Variants in ELN observed in about 807,000 individuals in gnomAD.
The protein encoded by ELN is elastin.
ELN carries 65 observed loss-of-function variants against 105.8 expected under a neutral mutation model. The observed-to-expected ratio is 0.61, with a 90% CI of 0.50 to 0.75. The LOEUF is 0.75. ELN is among the 30% of genes least tolerant of loss of function. ELN has a pLI of 0.00. For synonymous variants in ELN, 368 were observed against 389.2 expected, an observed-to-expected ratio of 0.95 and a Z score of 0.64; for missense variants, 882 against 969.4, an observed-to-expected ratio of 0.91 and a Z score of 1.20.
At chr7:74,056,836 C>A in intron 21 of ELN, 123 bp downstream of exon 21, 3 of 1,260,478 alleles carry the variant, frequency 2.4e-6, no homozygotes, top group Non-Finnish European at 3.4e-6. Flanking sequence ...GGTCACGAGG[C>A]CCCTGCCCCA....
At chr7:74,041,368 C>A in intron 5 of ELN, 117 bp downstream of exon 5, 1 of 1,338,912 alleles carries the variant, frequency 7.5e-7, no homozygotes, top group South Asian at 1.2e-5. Context: ...CCGTCCTGGG[C>A]ACTGACGGGG....
At chr7:74,048,647 C>T in intron 15 of ELN, 91 bp downstream of exon 15, 2 of 1,484,440 alleles carry the variant, frequency 1.3e-6, no homozygotes, top group Non-Finnish European at 9.3e-7. Flanking sequence ...CAAAGTGGCC[C>T]CTACATACCC....
At chr7:74,037,997 T>C (rs1790383862) in intron 4 of ELN, 3 of 513,676 alleles carry the variant, frequency 5.8e-6, no homozygotes, top group African/African-American at 3.9e-5. Context: ...CTACCCTACA[T>C]GTGCATGTGT....
intron 30 of ELN, 55 bp from the exon 31 acceptor site, chr7:74,065,889 C>G: frequency 6.2e-7 from 1 of 1,613,702 alleles, no homozygotes; most frequent in Non-Finnish European, 8.5e-7. Flanking sequence ...GCAGGGATAT[C>G]AGGGCCTCTT....
Position 74,065,980 on chromosome 7 carries a change from G to A in ELN, c.2069G>A (p.Gly690Glu). 1 of 1,614,102 alleles carries A rather than the reference G, an allele frequency of 6.2e-7. No individual in the cohort carries two copies. The change falls in exon 31 of 33, where the codon GGG (glycine) becomes GAG (glutamate). Residue 690 changes from glycine (G) to glutamate (E), a missense_variant. Transcript: ENST00000252034. Reference sequence around the variant, plus strand: ...CTTGGAGGTGTCCTAGGGGGTGCCGGGCAGTTCCCACTTGGAGGTAGGGGT... The same window carrying A: ...CTTGGAGGTGTCCTAGGGGGTGCCGAGCAGTTCCCACTTGGAGGTAGGGGT... ...AGLGGVLGGA[G>E]QFPLGGVAAR...
rs1794149858 is a variant in ELN at position 74,051,968 on chromosome 7, A to G, written c.934A>G (p.Lys312Glu). Residue 312 changes from lysine to glutamate, a missense_variant, in exon 17 of 33, where the codon AAG becomes GAG. Transcript: ENST00000252034. ...AAAAAAAAAAKAAKYGAAAGL... is the reference protein window; with the variant it reads ...AAAAAAAAAAEAAKYGAAAGL... The stretch of plus-strand genomic sequence containing the variant: ...AGCTGCAGCTGCAGCAGCAGCCGCT[A>G]AGGCAGCCAAGTATGGTGAGTGCCT... 6.2e-7 allele frequency: 1 copy of G among 1,613,516 alleles called. No individual in the cohort carries two copies. Among genetic ancestry groups the G allele is most frequent in the Non-Finnish European group, 8.5e-7 (1 of 1,179,988 alleles).
At chr7:74,064,276 G>A (rs537839573) in intron 29 of ELN, among the ~76,000 whole-genome samples, 45 of 151,638 alleles carry the variant, frequency 3.0e-4, no homozygotes, top group South Asian at 1.5e-3. Flanking sequence ...TTAGCTGGGC[G>A]TGGTGGCAGA....
At chr7:74,040,469 CA>C (rs1327703351) in intron 4 of ELN, among the ~76,000 whole-genome samples, 5 of 152,210 alleles carry the variant, frequency 3.3e-5, no homozygotes, top group Middle Eastern at 3.2e-3. Flanking sequence ...CAGGGAAAGC[CA>C]GGGGGGACCT....
chr7:74,056,258 C>A lies in ELN; in HGVS notation c.1151-13C>A. ...CTGAGCTTCTTTTCTACTTGGCTCCCTTCCCTCTGCAGGGGCCAGGCCCGG... is the reference window on the plus strand; with the variant it reads ...CTGAGCTTCTTTTCTACTTGGCTCCATTCCCTCTGCAGGGGCCAGGCCCGG... On this transcript the variant is annotated splice_polypyrimidine_tract_variant and intron_variant, in intron 19 of 32. Transcript: ENST00000252034. 1 of 1,614,234 alleles carries A rather than the reference C, an allele frequency of 6.2e-7. No homozygotes were observed. The highest frequency in any genetic ancestry group is 2.2e-5 in the East Asian group (1 of 44,884).
Position 74,037,704 on chromosome 7 carries a change from C to T in ELN, c.164-3C>T. 2 of 1,611,994 alleles carry T rather than the reference C, an allele frequency of 1.2e-6. No homozygotes were observed. The highest frequency in any genetic ancestry group is 1.1e-5 in the South Asian group (1 of 90,374). ...CATTCACTATCTTCTCTTCCCTCTG[C>T]AGCGCTGGGGCCTGGAGGCAAACCT... On this transcript the variant is annotated splice_region_variant and splice_polypyrimidine_tract_variant and intron_variant, in intron 3 of 32. Coordinates refer to ENST00000252034, the MANE Select transcript of ELN (RefSeq NM_000501.4).
chr7:74,044,486 C>T (rs1411026062), intron 9 of ELN, among the ~76,000 whole-genome samples: 3 of 152,154 alleles, frequency 2.0e-5, no homozygotes, highest in African/African-American at 4.8e-5. Flanking sequence ...CATCACAGCC[C>T]GAGGCGGGCC....
intron 15 of ELN, among the ~76,000 whole-genome samples, chr7:74,049,371 C>T (rs1293599322): frequency 6.6e-6 from 1 of 151,056 alleles, no homozygotes; most frequent in African/African-American, 2.4e-5. Flanking sequence ...TCCACGCATC[C>T]ATCCATTCCT....
Position 74,063,812 on chromosome 7 carries a change from T to G in ELN, c.1993+117T>G. The G allele has an allele frequency of 7.0e-7, 1 of 1,429,960 alleles. No individual in the cohort carries two copies. The allele number at this position is 1,429,960 out of a possible 1,614,324, so 88.6% of individuals were successfully genotyped here. The stretch of plus-strand genomic sequence containing the variant: ...ACCCCTGGCACGTCTTTGCTCAAGA[T>G]GTCCTCTTGGCCAGGTGCGGTGGCT... On this transcript the variant is annotated intron_variant, in intron 29 of 32. Coordinates refer to ENST00000252034, the MANE Select transcript of ELN (RefSeq NM_000501.4). The surrounding 1 kb of genome is among the most constrained non-coding windows in gnomAD (Gnocchi z 4.1).
intron 15 of ELN, among the ~76,000 whole-genome samples, chr7:74,049,977 C>T (rs1793599891): frequency 6.6e-6 from 1 of 150,924 alleles, no homozygotes; most frequent in Non-Finnish European, 1.5e-5. Flanking sequence ...ATCCATCCAT[C>T]TGCCCATTCT....
At chr7:74,035,817 T>C (rs778923150) in intron 2 of ELN, 45 of 312,372 alleles carry the variant, frequency 1.4e-4, no homozygotes, top group Non-Finnish European at 2.6e-4. Context: ...TGCACGCCTG[T>C]AGTCCTAGCT....
intron 1 of ELN, among the ~76,000 whole-genome samples, chr7:74,030,229 G>A (rs562245223): frequency 1.3e-5 from 2 of 152,198 alleles, no homozygotes; most frequent in Admixed American, 6.5e-5. Flanking sequence ...GGAGTGGAGC[G>A]CTCAGTCACA....
intron 1 of ELN, among the ~76,000 whole-genome samples, chr7:74,029,760 C>G (rs1788260557): frequency 6.6e-6 from 1 of 152,218 alleles, no homozygotes; most frequent in African/African-American, 2.4e-5. Context: ...AAACACCCAG[C>G]CACCCTTCTT....
At position 74,028,195 on chromosome 7, in the gene ELN, G is replaced by T. The variant is rs1198683869; in HGVS notation, c.8G>T (p.Gly3Val). Residue 3 changes from glycine to valine, a missense_variant, in exon 1 of 33, where the codon GGT (glycine) becomes GTT (valine). By Grantham distance (109) the Gly-to-Val change is moderately radical. Transcript: ENST00000252034. ...GGGGCATTTCTCCCCGAGATGGCGG[G>T]TCTGACGGCGGCGGCCCCGCGGCCC... MA[G>V]LTAAAPRPGV... The T allele has an allele frequency of 6.2e-7, 1 of 1,611,348 alleles. No individual in the cohort carries two copies. The highest frequency in any genetic ancestry group is 8.5e-7 in the Non-Finnish European group (1 of 1,179,594).
At chr7:74,041,189 A>G (rs781973867) in intron 4 of ELN, 27 bp from the exon 5 acceptor site, 10 of 1,613,440 alleles carry the variant, frequency 6.2e-6, no homozygotes, top group South Asian at 1.1e-5. Context: ...CACTGCCTAC[A>G]CTCCTGTCTC....
Sources: gnomAD v4.1 joint callset for allele counts (sites outside exome capture counted in the v4.1 genomes callset) on GRCh38, gnomAD v4.1.1 for gene constraint, Gnocchi (gnomAD v3.1) non-coding constraint, MANE v1.5 for transcripts, NCBI Gene and HGNC (gene_info 2026-07-23, HGNC 2026-07-21) for gene names.